Variants in FHIT observed in about 807,000 individuals in gnomAD.
The protein encoded by FHIT is bis(5'-adenosyl)-triphosphatase.
In FHIT, 19 loss-of-function variants were observed where a neutral mutation model predicts 17.9. The ratio of observed to expected loss-of-function variants is 1.06; its 90% CI spans 0.74 to 1.56. The LOEUF (loss-of-function observed/expected upper bound fraction) is 1.56, where lower values mean the gene tolerates loss of function less well. Ranked by LOEUF, FHIT falls within the 40% of genes most tolerant of loss-of-function variation. FHIT has a pLI of 0.00. For synonymous variants in FHIT, 81 were observed against 69.7 expected (o/e 1.16, Z -0.81); for missense variants, 248 against 189.2 (o/e 1.31, Z -1.82).
intron 8 of FHIT, among the ~76,000 whole-genome samples, chr3:59,770,662 C>T (rs1184266271): frequency 6.6e-6 from 1 of 152,160 alleles, no homozygotes; most frequent in Non-Finnish European, 1.5e-5. Flanking sequence ...TTGTTTAAGC[C>T]ACCCACCCAG....
At chr3:61,044,268 C>A (rs1160780426) in intron 2 of FHIT, among the ~76,000 whole-genome samples, 1 of 152,146 alleles carries the variant, frequency 6.6e-6, no homozygotes, top group Non-Finnish European at 1.5e-5. Context: ...CTAGAATAAC[C>A]AGTGTAGAGA....
At chr3:59,765,164 G>C (rs1410556743) in intron 8 of FHIT, among the ~76,000 whole-genome samples, 3 of 152,182 alleles carry the variant, frequency 2.0e-5, no homozygotes, top group Non-Finnish European at 4.4e-5. Context: ...TCACTTAAGG[G>C]TCCTAATCTT....
intron 5 of FHIT, among the ~76,000 whole-genome samples, chr3:60,164,130 G>T (rs1466644791): frequency 6.6e-6 from 1 of 152,164 alleles, no homozygotes; most frequent in Non-Finnish European, 1.5e-5. Flanking sequence ...GCTAGTGGAA[G>T]ACTGCTGAAG....
At chr3:60,124,689 C>T (rs965893387) in intron 5 of FHIT, among the ~76,000 whole-genome samples, 12 of 152,206 alleles carry the variant, frequency 7.9e-5, no homozygotes, top group Non-Finnish European at 1.5e-4. Context: ...AAGCTTTATG[C>T]ACCCATCCTT....
chr3:60,663,162 C>CTATCTA (rs562170635), intron 4 of FHIT, among the ~76,000 whole-genome samples: 10 of 32,690 alleles, frequency 3.1e-4, no homozygotes, highest in African/African-American at 9.0e-4. Context: ...AGATATATAT[C>CTATCTA]TCTTTAATGT....
intron 1 of FHIT, among the ~76,000 whole-genome samples, chr3:61,202,816 C>G (rs1026913489): frequency 2.6e-5 from 4 of 152,098 alleles, no homozygotes; most frequent in African/African-American, 9.7e-5. Context: ...CTTTGGGACA[C>G]CAAGGCAGGC....
At chr3:61,011,465 T>C (rs934851521) in intron 3 of FHIT, among the ~76,000 whole-genome samples, 2 of 152,112 alleles carry the variant, frequency 1.3e-5, no homozygotes, top group African/African-American at 2.4e-5. Flanking sequence ...AGAACATATA[T>C]GAAGGGGATT....
chr3:60,734,474 C>T (rs1366872493), intron 4 of FHIT, among the ~76,000 whole-genome samples: 3 of 152,278 alleles, frequency 2.0e-5, no homozygotes, highest in East Asian at 1.9e-4. Context: ...ACCAACACAG[C>T]TTACTGCAAC....
chr3:60,457,562 A>C (rs1225617070), intron 5 of FHIT, among the ~76,000 whole-genome samples: 1 of 152,198 alleles, frequency 6.6e-6, no homozygotes, highest in African/African-American at 2.4e-5. Context: ...AATGGCAACA[A>C]AAGCCAAAAT....
intron 7 of FHIT, among the ~76,000 whole-genome samples, chr3:59,984,920 G>C (rs1298201626): frequency 1.3e-5 from 2 of 152,106 alleles, no homozygotes; most frequent in Non-Finnish European, 1.5e-5. Flanking sequence ...AGGGTCAGCA[G>C]TATTGGGCTT....
At chr3:60,282,075 A>G (rs987937912) in intron 5 of FHIT, among the ~76,000 whole-genome samples, 4 of 152,188 alleles carry the variant, frequency 2.6e-5, no homozygotes, top group Admixed American at 1.3e-4. Context: ...GTAAAATGGT[A>G]TAGCCACTTT....
intron 1 of FHIT, among the ~76,000 whole-genome samples, chr3:61,237,893 C>T (rs995733474): frequency 2.0e-5 from 3 of 152,166 alleles, no homozygotes; most frequent in Non-Finnish European, 2.9e-5. Flanking sequence ...TAATTCCTCT[C>T]TCAAGGGTCC....
intron 3 of FHIT, among the ~76,000 whole-genome samples, chr3:60,892,007 A>G (rs1186606805): frequency 6.6e-6 from 1 of 152,218 alleles, no homozygotes; most frequent in African/African-American, 2.4e-5. Flanking sequence ...AATGGACCTT[A>G]AAGGTGATTT....
At chr3:60,006,154 C>T (rs1699915512) in intron 7 of FHIT, among the ~76,000 whole-genome samples, 1 of 152,140 alleles carries the variant, frequency 6.6e-6, no homozygotes, top group Admixed American at 6.6e-5. Context: ...TCTGTGCATA[C>T]ACCAGAGGCT....
chr3:60,935,651 T>A (rs1198751245), intron 3 of FHIT, among the ~76,000 whole-genome samples: 9 of 152,230 alleles, frequency 5.9e-5, no homozygotes, highest in African/African-American at 2.2e-4. Flanking sequence ...CGATAACTTC[T>A]CAAGTCTCTT....
chr3:60,054,488 C>G (rs915161310), intron 5 of FHIT, among the ~76,000 whole-genome samples: 2 of 152,156 alleles, frequency 1.3e-5, no homozygotes, highest in African/African-American at 4.8e-5. Flanking sequence ...CATCCCAACC[C>G]AAGCACACAC....
intron 7 of FHIT, among the ~76,000 whole-genome samples, chr3:59,997,126 T>C (rs1699546017): frequency 6.6e-6 from 1 of 152,160 alleles, no homozygotes; most frequent in African/African-American, 2.4e-5. Flanking sequence ...GATGCCCTCA[T>C]GTGATTCTAG....
intron 5 of FHIT, among the ~76,000 whole-genome samples, chr3:60,018,143 G>A: frequency 6.6e-6 from 1 of 152,218 alleles, no homozygotes; most frequent in East Asian, 1.9e-4. Flanking sequence ...ATTCATGGCA[G>A]AAGTGGAAGG....
chr3:60,276,470 G>C (rs554241164), intron 5 of FHIT, among the ~76,000 whole-genome samples: 1 of 152,258 alleles, frequency 6.6e-6, no homozygotes, highest in African/African-American at 2.4e-5. Flanking sequence ...CAGAACCCAA[G>C]AGTCTATAAA....
Sources: allele counts gnomAD v4.1 joint callset (sites outside exome capture counted in the v4.1 genomes callset), GRCh38; gene constraint gnomAD v4.1.1; transcripts MANE v1.5; gene names NCBI Gene and HGNC (gene_info 2026-07-23, HGNC 2026-07-21).